The following LRPPRC variants were observed in gnomAD, a reference collection of about 807,000 sequenced individuals.
LRPPRC encodes leucine-rich PPR motif-containing protein, mitochondrial.
A neutral mutation model predicts 180.3 loss-of-function variants in LRPPRC; 120 were observed. The observed-to-expected ratio is 0.67, with a 90% CI of 0.57 to 0.77. The LOEUF (loss-of-function observed/expected upper bound fraction) is 0.77, where lower values mean the gene tolerates loss of function less well. LRPPRC is among the 30% of genes least tolerant of loss of function. The pLI, the probability that LRPPRC is intolerant of heterozygous loss-of-function variation, is 0.00. For synonymous variants in LRPPRC, 723 were observed against 600.0 expected (o/e 1.21, Z -3.00); for missense variants, 2,012 against 1,657.2 (o/e 1.21, Z -3.72).
intron 34 of LRPPRC, among the ~76,000 whole-genome samples, chr2:43,897,592 G>A (rs927413994): frequency 1.3e-5 from 2 of 152,116 alleles, no homozygotes; most frequent in East Asian, 3.8e-4. Context: ...GCAGGTAAAG[G>A]ATGGGTGAAG....
intron 1 of LRPPRC, among the ~76,000 whole-genome samples, chr2:43,993,619 C>T (rs1674884602): frequency 1.3e-5 from 2 of 151,848 alleles, no homozygotes; most frequent in South Asian, 2.1e-4. Flanking sequence ...AGACTATATA[C>T]AGTGCTCAGA....
At chr2:43,959,889 TAAATA>T (rs996862101) in intron 13 of LRPPRC, among the ~76,000 whole-genome samples, 27 of 151,996 alleles carry the variant, frequency 1.8e-4, no homozygotes, top group African/African-American at 6.0e-4. Context: ...GTCTCAAAAA[TAAATA>T]AAATAAAATA....
rs915479155 is a variant in LRPPRC at position 43,964,293 on chromosome 2, T to G, written c.1370-587A>C. Among the ~76,000 whole-genome samples, 15 of 152,184 alleles carry G rather than the reference T, an allele frequency of 9.9e-5. No homozygotes were observed. In the Middle Eastern group the frequency reaches 0.01, roughly 104 times the overall value. Reference sequence around the variant, plus strand: ...ATCTCATTTCCCACTCACAAAAATCTCTTTTAATAACTTCTTAAAAATTAA... The same window carrying G: ...ATCTCATTTCCCACTCACAAAAATCGCTTTTAATAACTTCTTAAAAATTAA... On this transcript the variant is annotated intron_variant, in intron 11 of 37. Transcript: ENST00000260665.
chr2:43,947,426 C>T, intron 19 of LRPPRC, 56 bp from the exon 20 acceptor site: 1 of 823,718 alleles, frequency 1.2e-6, no homozygotes, highest in Non-Finnish European at 2.1e-6. Flanking sequence ...TATAGTATGC[C>T]TTTTGTCACT....
chr2:43,974,168 G>C lies in LRPPRC; in HGVS notation c.1137C>G (p.His379Gln), dbSNP rs866757047. 4 of 1,613,774 alleles carry C rather than the reference G, an allele frequency of 2.5e-6. No individual in the cohort carries two copies. Among genetic ancestry groups the C allele is most frequent in the Non-Finnish European group, 8.5e-7 (1 of 1,179,684 alleles). The change falls in exon 9 of 38, where the codon CAC becomes CAG. Residue 379 changes from histidine (H) to glutamine (Q), a missense_variant. Physicochemically the swap from His to Gln is conservative, Grantham distance 24. Coordinates refer to ENST00000260665, the MANE Select transcript of LRPPRC (RefSeq NM_133259.4). The part of the protein sequence containing the change: ...PSVFGSFFLQ[H>Q]CVTMNTPVEK... ...AGAATACCGTATTCATAGTCACACA[G>C]TGTTGTAAAAAGAAACTGCCAAAGA...
chr2:43,929,669 T>G (rs757343358), intron 25 of LRPPRC, among the ~76,000 whole-genome samples: 9 of 152,208 alleles, frequency 5.9e-5, no homozygotes, highest in Non-Finnish European at 1.2e-4. Context: ...CAACTATATT[T>G]ATCCCCATAG....
intron 1 of LRPPRC, among the ~76,000 whole-genome samples, chr2:43,992,855 A>G (rs1674847255): frequency 6.6e-6 from 1 of 152,332 alleles, no homozygotes; most frequent in South Asian, 2.1e-4. Flanking sequence ...CTATAGTTCA[A>G]GCAGGTGGAT....
At chr2:43,902,512 G>C (rs190234263) in intron 31 of LRPPRC, 5 of 152,196 alleles carry the variant, frequency 3.3e-5, no homozygotes, top group African/African-American at 1.2e-4. Context: ...ATTAATTGAA[G>C]TGTACTCAAA....
intron 1 of LRPPRC, among the ~76,000 whole-genome samples, chr2:43,983,892 T>C (rs1674416826): frequency 6.6e-6 from 1 of 152,078 alleles, no homozygotes; most frequent in Non-Finnish European, 1.5e-5. Context: ...CTGGGAGAAA[T>C]CATGACTCTA....
intron 12 of LRPPRC, 78 bp downstream of exon 12, chr2:43,963,507 CTTT>C: frequency 1.1e-6 from 1 of 934,514 alleles, no homozygotes; most frequent in Non-Finnish European, 1.8e-6. Flanking sequence ...AGTTCAATGA[CTTT>C]TTTGTGTGTC....
chr2:43,894,303 G>A (rs1274999203), intron 36 of LRPPRC, among the ~76,000 whole-genome samples: 1 of 152,194 alleles, frequency 6.6e-6, no homozygotes, highest in Non-Finnish European at 1.5e-5. Context: ...CTGCTCGGAA[G>A]ATGTTCAGTG....
chr2:43,890,817 T>C (rs1169842915), intron 36 of LRPPRC, among the ~76,000 whole-genome samples: 7 of 152,240 alleles, frequency 4.6e-5, no homozygotes, highest in Non-Finnish European at 1.0e-4. Flanking sequence ...TGGCTGGCTC[T>C]CTACTTGTGG....
chr2:43,934,845 A>G lies in LRPPRC; in HGVS notation c.2538T>C (p.Ile846=), dbSNP rs1173384737. ...GDLSTALEVA[I]DCYEKYKVLP... ...ATACTTTATACTTTTCATAGCAGTC[A>G]ATGGCGACCTCAAGAGCAGTAGATA... Residue 846 remains isoleucine (I), a synonymous_variant, in exon 24 of 38, where the codon ATT becomes ATC. Transcript: ENST00000260665. The G allele has an allele frequency of 6.2e-7, 1 of 1,613,012 alleles. No homozygotes were observed. The highest frequency in any genetic ancestry group is 8.5e-7 in the Non-Finnish European group (1 of 1,179,188).
chr2:43,925,856 CT>C, intron 26 of LRPPRC, 36 bp downstream of exon 26: 1 of 1,446,846 alleles, frequency 6.9e-7, no homozygotes, highest in Non-Finnish European at 9.7e-7. Context: ...TCTACTCACA[CT>C]TTTAGGTGAT....
intron 7 of LRPPRC, 71 bp from the exon 8 acceptor site, chr2:43,974,829 T>C (rs1673979100): frequency 4.8e-6 from 7 of 1,471,322 alleles, no homozygotes; most frequent in Non-Finnish European, 6.6e-6. Flanking sequence ...CTAAATAAAA[T>C]ATCCAGATTC....
At chr2:43,944,737 GTATT>G (rs1012548726) in intron 22 of LRPPRC, among the ~76,000 whole-genome samples, 22 of 151,916 alleles carry the variant, frequency 1.4e-4, no homozygotes, top group African/African-American at 5.3e-4. Flanking sequence ...TAGTATGAAT[GTATT>G]ATCAAGTGTA....
chr2:43,982,853 T>A (rs545688516), intron 1 of LRPPRC, among the ~76,000 whole-genome samples: 1 of 152,178 alleles, frequency 6.6e-6, no homozygotes, highest in African/African-American at 2.4e-5. Flanking sequence ...AAAATTTTTA[T>A]AACTACCTTT....
At chr2:43,986,737 C>T (rs1415749650) in intron 1 of LRPPRC, among the ~76,000 whole-genome samples, 1 of 152,174 alleles carries the variant, frequency 6.6e-6, no homozygotes, top group East Asian at 1.9e-4. Flanking sequence ...ACGAACTCAA[C>T]GTGGCAAAAG....
chr2:43,896,872 C>T (rs1026509359), intron 34 of LRPPRC, among the ~76,000 whole-genome samples, 164 bp from the exon 35 acceptor site: 14 of 151,990 alleles, frequency 9.2e-5, no homozygotes, highest in Non-Finnish European at 5.9e-5. Context: ...AAAAAGAAAA[C>T]AAGTGCAAGC....
Sources: allele counts gnomAD v4.1 joint callset (sites outside exome capture counted in the v4.1 genomes callset), GRCh38; gene constraint gnomAD v4.1.1; transcripts MANE v1.5; gene names NCBI Gene and HGNC (gene_info 2026-07-23, HGNC 2026-07-21).